The following LINGO2 variants were observed in gnomAD, a reference collection of about 807,000 sequenced individuals.
The protein encoded by LINGO2 is leucine rich repeat and Ig domain containing 2.
A neutral mutation model predicts 30.6 loss-of-function variants in LINGO2; 14 were observed. The observed-to-expected ratio is 0.46, with a 90% CI of 0.30 to 0.72. LINGO2 has a LOEUF of 0.72. Among genes scored for constraint, LINGO2 ranks in the 30% least tolerant of loss-of-function variants. LINGO2 has a pLI of 0.07. For missense variants in LINGO2, 729 were observed against 751.7 expected, an observed-to-expected ratio of 0.97 and a Z score of 0.35; for synonymous variants, 317 against 288.5, an observed-to-expected ratio of 1.10 and a Z score of -1.00.
At chr9:28,990,160 G>A in the LINGO2 span, among the ~76,000 whole-genome samples, 8 of 152,062 alleles carry the variant, frequency 5.3e-5, no homozygotes, top group Non-Finnish European at 7.4e-5. Context: ...GTGACACTGC[G>A]CTTTTCTGAC....
At chr9:27,984,523 G>C (rs1262111024) in intron 5 of LINGO2, among the ~76,000 whole-genome samples, 1 of 151,810 alleles carries the variant, frequency 6.6e-6, no homozygotes, top group Non-Finnish European at 1.5e-5. Context: ...TCATTCATAA[G>C]CCTGAGCTCT....
At chr9:28,070,951 G>T (rs570295994) in intron 4 of LINGO2, among the ~76,000 whole-genome samples, 1 of 152,266 alleles carries the variant, frequency 6.6e-6, no homozygotes, top group Non-Finnish European at 1.5e-5. Flanking sequence ...CTGGTCTCAA[G>T]TGATTCTCAT....
chr9:28,695,015 C>G, the LINGO2 span, among the ~76,000 whole-genome samples: 33 of 149,268 alleles, frequency 2.2e-4, no homozygotes, highest in African/African-American at 7.9e-4. Flanking sequence ...ACCCATTGAG[C>G]TGTCAGGACA....
the LINGO2 span, among the ~76,000 whole-genome samples, chr9:28,961,042 A>G: frequency 6.6e-6 from 1 of 152,174 alleles, no homozygotes; most frequent in Non-Finnish European, 1.5e-5. Flanking sequence ...ATGCTCATGT[A>G]TATTTCTGAT....
intron 3 of LINGO2, among the ~76,000 whole-genome samples, chr9:28,307,758 A>G (rs1450482708): frequency 2.0e-5 from 3 of 152,210 alleles, no homozygotes; most frequent in Non-Finnish European, 4.4e-5. Context: ...CAATGTACAA[A>G]AATGACAAGC....
intron 1 of LINGO2, among the ~76,000 whole-genome samples, chr9:28,573,055 C>T (rs1823779693): frequency 6.6e-6 from 1 of 152,074 alleles, no homozygotes; most frequent in African/African-American, 2.4e-5. Context: ...TTTTCAATAT[C>T]TATTGGCAAA....
At chr9:28,768,075 G>C in the LINGO2 span, among the ~76,000 whole-genome samples, 3 of 152,150 alleles carry the variant, frequency 2.0e-5, no homozygotes, top group Non-Finnish European at 4.4e-5. Context: ...ATTTTAGTTT[G>C]CTAGCTGTAA....
At chr9:28,331,153 T>C (rs1825404489) in intron 3 of LINGO2, among the ~76,000 whole-genome samples, 1 of 152,078 alleles carries the variant, frequency 6.6e-6, no homozygotes, top group African/African-American at 2.4e-5. Context: ...GGTCTCTTTA[T>C]TGGTGAGGGG....
chr9:27,985,557 TG>T (rs199581502), intron 5 of LINGO2, among the ~76,000 whole-genome samples: 9,304 of 151,748 alleles, frequency 0.061, 573 homozygotes, highest in African/African-American at 0.14. Context: ...GGATAATTTT[TG>T]GGGGATTTTT....
the LINGO2 span, among the ~76,000 whole-genome samples, chr9:28,908,258 G>C: frequency 6.6e-6 from 1 of 151,740 alleles, no homozygotes; most frequent in South Asian, 2.1e-4. Context: ...ATATAACTAA[G>C]TGTGCTAGGG....
At chr9:28,562,503 T>TAAGC (rs1823151537) in intron 1 of LINGO2, among the ~76,000 whole-genome samples, 1 of 148,982 alleles carries the variant, frequency 6.7e-6, no homozygotes, top group Admixed American at 6.7e-5. Flanking sequence ...TGGTCCCCAT[T>TAAGC]AAGCAAATTT....
chr9:28,634,719 C>T (rs1303623504), intron 1 of LINGO2, among the ~76,000 whole-genome samples: 2 of 151,992 alleles, frequency 1.3e-5, no homozygotes, highest in African/African-American at 4.8e-5. Flanking sequence ...CTGTTGACCT[C>T]AAGTGATCTG....
At chr9:29,092,548 A>G in the LINGO2 span, among the ~76,000 whole-genome samples, 1 of 152,092 alleles carries the variant, frequency 6.6e-6, no homozygotes, top group Non-Finnish European at 1.5e-5. Flanking sequence ...GTGATATATA[A>G]GCCATAATTC....
intron 1 of LINGO2, among the ~76,000 whole-genome samples, chr9:28,610,387 A>G (rs1417904616): frequency 6.6e-6 from 1 of 152,144 alleles, no homozygotes; most frequent in Non-Finnish European, 1.5e-5. Flanking sequence ...ACATATTTCT[A>G]TGGTCTGAAT....
chr9:28,109,384 G>T (rs1489708944), intron 4 of LINGO2, among the ~76,000 whole-genome samples: 4 of 152,166 alleles, frequency 2.6e-5, no homozygotes, highest in African/African-American at 9.7e-5. Flanking sequence ...AGTATTGGAA[G>T]TTCTGGCCAG....
At chr9:28,481,941 G>A (rs895659398) in intron 1 of LINGO2, among the ~76,000 whole-genome samples, 8 of 152,064 alleles carry the variant, frequency 5.3e-5, no homozygotes, top group Admixed American at 2.6e-4. Context: ...TGTCCCTACA[G>A]AAGACATGAA....
the LINGO2 span, among the ~76,000 whole-genome samples, chr9:29,061,512 A>G: frequency 1.3e-5 from 2 of 152,048 alleles, no homozygotes; most frequent in African/African-American, 4.8e-5. Context: ...AATAGAGTCT[A>G]GTCCAGAAAT....
Position 28,129,697 on chromosome 9 carries a change from T to C in LINGO2, c.-86-117292A>G, listed in dbSNP as rs1382775628. The C allele has an allele frequency of 2.0e-5, 3 of 152,238 alleles. No individual in the cohort carries two copies. The highest frequency in any genetic ancestry group is 7.2e-5 in the African/African-American group (3 of 41,466). The allele number at this position is 152,238 out of a possible 1,614,324, so 9.4% of individuals were successfully genotyped here. ...AAATTAGTTTTTATTAGTGGTCCCA[T>C]TGTAAATTTGAAAATTTCATTGCTC... On this transcript the variant is annotated intron_variant, in intron 4 of 5. Transcript: ENST00000379992. This position sits in a 1 kb window ranked among gnomAD's most constrained non-coding sequence, Gnocchi z 4.0.
At chr9:28,897,347 G>A in the LINGO2 span, among the ~76,000 whole-genome samples, 2 of 152,080 alleles carry the variant, frequency 1.3e-5, no homozygotes, top group African/African-American at 2.4e-5. Context: ...ATCACATCAT[G>A]TTTGATTTTT....
Sources: gnomAD v4.1 joint callset for allele counts (sites outside exome capture counted in the v4.1 genomes callset) on GRCh38, gnomAD v4.1.1 for gene constraint, Gnocchi (gnomAD v3.1) non-coding constraint, MANE v1.5 for transcripts, NCBI Gene and HGNC (gene_info 2026-07-23, HGNC 2026-07-21) for gene names.